The following GAREM1 variants were observed in gnomAD, a reference collection of about 807,000 sequenced individuals.
GAREM1 encodes GRB2 associated regulator of MAPK1 subtype 1.
In GAREM1, 26 loss-of-function variants were observed where a neutral mutation model predicts 71.3. The ratio of observed to expected loss-of-function variants is 0.36; its 90% CI spans 0.27 to 0.51. GAREM1 has a LOEUF of 0.51. Among genes scored for constraint, GAREM1 ranks in the 20% least tolerant of loss-of-function variants. The pLI is 0.95. For missense variants in GAREM1, 1,026 were observed against 1,103.1 expected (o/e 0.93, Z 0.99); for synonymous variants, 440 against 433.2 (o/e 1.02, Z -0.20).
chr18:32,265,582 A>T lies in GAREM1; in HGVS notation c.*2289T>A, dbSNP rs1001062156. ...CTGTAGCATAAGTGAATCAAAGGCC[A>T]CAGTCCCTGCCCTCAAGGAGTCTCT... On this transcript the variant is annotated 3_prime_UTR_variant, in exon 6 of 6. Coordinates refer to ENST00000269209, the MANE Select transcript of GAREM1 (RefSeq NM_001242409.2). The T allele has an allele frequency of 6.6e-6, 1 of 152,222 alleles. No homozygotes were observed. The highest frequency in any genetic ancestry group is 1.5e-5 in the Non-Finnish European group (1 of 68,036). The allele number at this position is 152,222 out of a possible 1,614,324, so 9.4% of individuals were successfully genotyped here.
chr18:32,344,391 C>T (rs1194382100), intron 2 of GAREM1, among the ~76,000 whole-genome samples: 1 of 152,128 alleles, frequency 6.6e-6, no homozygotes, highest in Non-Finnish European at 1.5e-5. Flanking sequence ...ATACATCAAC[C>T]TTCTGCTAAG....
chr18:32,448,765 T>C (rs1599055563), intron 1 of GAREM1, among the ~76,000 whole-genome samples: 1 of 152,376 alleles, frequency 6.6e-6, no homozygotes, highest in Admixed American at 6.5e-5. Context: ...TTTGCTGTTA[T>C]ATGTCACCTT....
At chr18:32,360,985 C>G (rs1432304163) in intron 2 of GAREM1, among the ~76,000 whole-genome samples, 2 of 152,154 alleles carry the variant, frequency 1.3e-5, no homozygotes, top group African/African-American at 4.8e-5. Context: ...TCAAAATATT[C>G]TCCTACTTAA....
chr18:32,373,993 A>C (rs138596488), intron 2 of GAREM1, among the ~76,000 whole-genome samples: 1 of 152,322 alleles, frequency 6.6e-6, no homozygotes, highest in African/African-American at 2.4e-5. Flanking sequence ...GGGAGCTTTG[A>C]ATGCTTAAAA....
intron 1 of GAREM1, among the ~76,000 whole-genome samples, chr18:32,401,113 G>T (rs1479511257): frequency 1.3e-5 from 2 of 152,128 alleles, no homozygotes; most frequent in African/African-American, 4.8e-5. Flanking sequence ...CTCATAGGTA[G>T]GAACTGAACA....
At chr18:32,415,572 CGGAAATCAATCA>C (rs1398779027) in intron 1 of GAREM1, among the ~76,000 whole-genome samples, 2 of 152,010 alleles carry the variant, frequency 1.3e-5, no homozygotes, top group Non-Finnish European at 2.9e-5. Flanking sequence ...GTTCAACACA[CGGAAATCAATCA>C]ATGTGACACA....
At chr18:32,409,081 CA>C (rs2048392819) in intron 1 of GAREM1, among the ~76,000 whole-genome samples, 1 of 152,286 alleles carries the variant, frequency 6.6e-6, no homozygotes, top group East Asian at 1.9e-4. Context: ...GTTAACCCAT[CA>C]GCTCTTTTGG....
intron 1 of GAREM1, among the ~76,000 whole-genome samples, chr18:32,413,827 T>C (rs921408674): frequency 6.6e-6 from 1 of 152,098 alleles, no homozygotes; most frequent in South Asian, 2.1e-4. Flanking sequence ...CTGAAAGATA[T>C]CATCAATTAA....
At position 32,322,595 on chromosome 18, in the gene GAREM1, T is replaced by C. The variant is rs553795757; in HGVS notation, c.263-12272A>G. 2.0e-5 allele frequency among the ~76,000 whole-genome samples: 3 copies of C among 152,352 alleles called. No homozygotes were observed. In the South Asian group the frequency reaches 6.2e-4, roughly 32 times the overall value. ...TATTTTATTGTCCTTATTTGTTTTC[T>C]TGTCTTCGTGAACTAACCAGTAAAC... On this transcript the variant is annotated intron_variant, in intron 2 of 5. Transcript: ENST00000269209.
At chr18:32,394,317 G>T (rs976057125) in intron 1 of GAREM1, among the ~76,000 whole-genome samples, 1 of 152,256 alleles carries the variant, frequency 6.6e-6, no homozygotes. Context: ...TAGGAGGATC[G>T]CTTGAGCCCG....
In GAREM1 at chr18:32,268,026, A is replaced by C. The variant is rs750426066; in HGVS notation, c.2476T>G (p.Ser826Ala). ...VSKSLRFIGL[S>A]EDVISFFVTE... Reference sequence around the variant, plus strand: ...ACAAAGAATGATATGACATCTTCGGACAAACCAATGAACCGTAGTGACTTG... The same window carrying C: ...ACAAAGAATGATATGACATCTTCGGCCAAACCAATGAACCGTAGTGACTTG... The change falls in exon 6 of 6, where the codon TCC becomes GCC. Residue 826 changes from serine to alanine, a missense_variant. Physicochemically the swap from Ser to Ala is moderately conservative, Grantham distance 99 (BLOSUM62 1). Around this residue, in one of 3 missense-constraint regions of GAREM1, gnomAD observed 636 missense variants for 631.2 expected, o/e 1.01. Transcript: ENST00000269209. 2.5e-6 allele frequency: 4 copies of C among 1,614,010 alleles called. No individual in the cohort carries two copies. The highest frequency in any genetic ancestry group is 3.4e-6 in the Non-Finnish European group (4 of 1,180,014).
At chr18:32,463,454 C>T (rs544570080) in intron 1 of GAREM1, among the ~76,000 whole-genome samples, 6 of 152,094 alleles carry the variant, frequency 3.9e-5, no homozygotes, top group Non-Finnish European at 7.4e-5. Context: ...AATGTCCTCT[C>T]CTATTTTTTT....
intron 1 of GAREM1, among the ~76,000 whole-genome samples, chr18:32,414,441 G>A (rs2048448459): frequency 6.6e-6 from 1 of 151,852 alleles, no homozygotes; most frequent in Non-Finnish European, 1.5e-5. Flanking sequence ...CCTGAAGTAT[G>A]TGGTTACATA....
chr18:32,455,721 T>C (rs371132146), intron 1 of GAREM1, among the ~76,000 whole-genome samples: 7 of 152,266 alleles, frequency 4.6e-5, no homozygotes, highest in African/African-American at 9.6e-5. Flanking sequence ...CTCACAGCCA[T>C]TGGAGAAGAA....
At chr18:32,459,210 T>C (rs1250939121) in intron 1 of GAREM1, among the ~76,000 whole-genome samples, 1 of 152,158 alleles carries the variant, frequency 6.6e-6, no homozygotes, top group Non-Finnish European at 1.5e-5. Flanking sequence ...AATAGCAAAA[T>C]GTTGGTAATG....
chr18:32,413,993 T>C (rs147623886), intron 1 of GAREM1, among the ~76,000 whole-genome samples: 5 of 152,246 alleles, frequency 3.3e-5, no homozygotes, highest in African/African-American at 1.2e-4. Context: ...ATCTGAGACA[T>C]GGAATATTTA....
chr18:32,431,834 G>T (rs2048628109), intron 1 of GAREM1, among the ~76,000 whole-genome samples: 1 of 151,704 alleles, frequency 6.6e-6, no homozygotes, highest in Non-Finnish European at 1.5e-5. Flanking sequence ...ACTACCTATA[G>T]AAAAAAATGG....
At position 32,267,779 on chromosome 18, in the gene GAREM1, T is replaced by C. The variant is rs967306888; in HGVS notation, c.*92A>G. On this transcript the variant is annotated 3_prime_UTR_variant, in exon 6 of 6. Transcript: ENST00000269209. ...CTTATCCCTATTTACAGAGAAGGTTTTTAGTGCAAAAACATGAAATTGTGT... is the reference window on the plus strand; with the variant it reads ...CTTATCCCTATTTACAGAGAAGGTTCTTAGTGCAAAAACATGAAATTGTGT... 2 of 1,046,050 alleles carry C rather than the reference T, an allele frequency of 1.9e-6. No individual in the cohort carries two copies. Among genetic ancestry groups the C allele is most frequent in the African/African-American group, 3.2e-5 (2 of 62,740 alleles). The allele number at this position is 1,046,050 out of a possible 1,614,324, so 64.8% of individuals were successfully genotyped here.
chr18:32,290,399 T>G (rs1332101503), intron 3 of GAREM1: 1 of 151,916 alleles, frequency 6.6e-6, no homozygotes, highest in Admixed American at 6.6e-5. Flanking sequence ...GATAAAGAGC[T>G]AATATCTCTA....
Sources: gnomAD v4.1 joint callset for allele counts (sites outside exome capture counted in the v4.1 genomes callset) on GRCh38, gnomAD v4.1.1 for gene constraint, gnomAD v4.1.1 regional missense constraint, MANE v1.5 for transcripts, NCBI Gene and HGNC (gene_info 2026-07-23, HGNC 2026-07-21) for gene names.